Variants in GPBP1L1 observed in about 807,000 individuals in gnomAD.
GPBP1L1 encodes the protein vasculin-like protein 1.
Under a neutral mutation model 52.5 loss-of-function variants are expected in GPBP1L1, and 23 were observed. The ratio of observed to expected loss-of-function variants is 0.44; its 90% CI spans 0.32 to 0.62. The LOEUF (loss-of-function observed/expected upper bound fraction) is 0.62, where lower values mean the gene tolerates loss of function less well. Among genes scored for constraint, GPBP1L1 ranks in the 20% least tolerant of loss-of-function variants. GPBP1L1 has a pLI of 0.06. For missense variants in GPBP1L1, 596 were observed against 579.3 expected (o/e 1.03, Z -0.30); for synonymous variants, 243 against 203.1 (o/e 1.20, Z -1.67).
chr1:45,653,512 T>A (rs1354502934), intron 6 of GPBP1L1, among the ~76,000 whole-genome samples: 3 of 152,020 alleles, frequency 2.0e-5, no homozygotes, highest in African/African-American at 7.2e-5. Flanking sequence ...TGTGCCATCA[T>A]GCCCAGCTAA....
chr1:45,654,840 A>G lies in GPBP1L1; in HGVS notation c.191-11T>C, dbSNP rs1644865003. The G allele has an allele frequency of 6.2e-7, 1 of 1,611,228 alleles. No homozygotes were observed. The highest frequency in any genetic ancestry group is 8.5e-7 in the Non-Finnish European group (1 of 1,178,498). On this transcript the variant is annotated splice_polypyrimidine_tract_variant and intron_variant, in intron 5 of 12. Coordinates refer to ENST00000355105, the MANE Select transcript of GPBP1L1 (RefSeq NM_021639.5). ...GCTGGTGCCAAGAATCTAGAATAGT[A>G]AAGAAAAGGACTAATTAGATTGTTT...
At chr1:45,643,574 C>A (rs1276711034) in intron 6 of GPBP1L1, among the ~76,000 whole-genome samples, 3 of 148,980 alleles carry the variant, frequency 2.0e-5, no homozygotes, top group African/African-American at 7.4e-5. Flanking sequence ...GAGTTAAGAG[C>A]AATAGACTAG....
chr1:45,666,940 G>A (rs993493167), intron 2 of GPBP1L1, among the ~76,000 whole-genome samples: 1 of 151,876 alleles, frequency 6.6e-6, no homozygotes, highest in Non-Finnish European at 1.5e-5. Context: ...ATGAAAGAAG[G>A]CAGACACAAA....
At position 45,659,153 on chromosome 1, in the gene GPBP1L1, A is replaced by T. The variant is rs1644917940; in HGVS notation, c.-55-11T>A. ...CCTCATGGCCAGGATCTGAAAACAA[A>T]ACAATTCAAATCACTTATGTTTACA... is the stretch of plus-strand genomic sequence containing the variant. On this transcript the variant is annotated splice_polypyrimidine_tract_variant and intron_variant, in intron 3 of 12. Transcript: ENST00000355105. 1.4e-6 allele frequency: 2 copies of T among 1,464,290 alleles called. No homozygotes were observed. Among genetic ancestry groups the T allele is most frequent in the Non-Finnish European group, 1.9e-6 (2 of 1,046,580 alleles). The allele number at this position is 1,464,290 out of a possible 1,614,324, so 90.7% of individuals were successfully genotyped here.
chr1:45,657,310 C>T (rs535913819), intron 4 of GPBP1L1, among the ~76,000 whole-genome samples: 16 of 152,022 alleles, frequency 1.1e-4, no homozygotes, highest in Non-Finnish European at 1.8e-4. Flanking sequence ...GAGGCAGGTA[C>T]ATCGCTTGAG....
At position 45,633,482 on chromosome 1, in the gene GPBP1L1, C is replaced by T; in HGVS notation, c.1044+7G>A. ...AGGCTACCCCCAGAAAAGGCGGATGCTCTTACATCTTCCAGCTTGTCACAG... is the reference window on the plus strand; with the variant it reads ...AGGCTACCCCCAGAAAAGGCGGATGTTCTTACATCTTCCAGCTTGTCACAG... On this transcript the variant is annotated splice_region_variant and intron_variant, in intron 10 of 12. Transcript: ENST00000355105. 1 of 1,613,498 alleles carries T rather than the reference C, an allele frequency of 6.2e-7. No individual in the cohort carries two copies. The highest frequency in any genetic ancestry group is 8.5e-7 in the Non-Finnish European group (1 of 1,179,802).
At chr1:45,671,345 G>A (rs1169529841) in intron 2 of GPBP1L1, among the ~76,000 whole-genome samples, 1 of 151,896 alleles carries the variant, frequency 6.6e-6, no homozygotes, top group African/African-American at 2.4e-5. Flanking sequence ...AAGTAGCTGG[G>A]ATTACAGGCA....
chr1:45,630,912 A>G (rs1171050620), intron 10 of GPBP1L1, among the ~76,000 whole-genome samples: 1 of 152,258 alleles, frequency 6.6e-6, no homozygotes, highest in African/African-American at 2.4e-5. Context: ...GTATGGTAAC[A>G]GTGCTCATAA....
At chr1:45,672,343 CAAAA>C (rs57589371) in intron 2 of GPBP1L1, among the ~76,000 whole-genome samples, 6 of 105,484 alleles carry the variant, frequency 5.7e-5, no homozygotes, top group Non-Finnish European at 5.9e-5. Context: ...GCCCAGGCGA[CAAAA>C]AAAAAAAAAA....
chr1:45,655,302 G>A lies in GPBP1L1; in HGVS notation c.78C>T (p.Phe26=), dbSNP rs1019187641. 2.5e-5 allele frequency: 40 copies of A among 1,613,938 alleles called. No individual in the cohort carries two copies. Among genetic ancestry groups the A allele is most frequent in the African/African-American group, 5.3e-5 (4 of 74,912 alleles). Residue 26 remains phenylalanine, a synonymous_variant, in exon 5 of 13, where the codon TTC becomes TTT. Coordinates refer to ENST00000355105, the MANE Select transcript of GPBP1L1 (RefSeq NM_021639.5). ...TGGGTAGGTGCTCTCCGTGTTTTTC[G>A]AAGGTGGCAGTAGGTGACTAAGATG... is the stretch of plus-strand genomic sequence containing the variant. ...PQSAKSPTAT[F]EKHGEHLPRG... is the part of the protein sequence containing the mutation.
Position 45,630,597 on chromosome 1 carries a change from T to C in GPBP1L1, c.1054A>G (p.Asn352Asp). ...DCDKLEDLED[N>D]STPEPKENGE... ...TTTTCCTTTGGTTCAGGTGTGCTGT[T>C]GTCCTCCAACTGCAATAAGGAAAAG... The change falls in exon 11 of 13, where the codon AAC becomes GAC. Residue 352 changes from asparagine to aspartate, a missense_variant. Asn to Asp is a conservative substitution (Grantham distance 23, BLOSUM62 1). Coordinates refer to ENST00000355105, the MANE Select transcript of GPBP1L1 (RefSeq NM_021639.5). 6.2e-7 allele frequency: 1 copy of C among 1,613,858 alleles called. No homozygotes were observed.
At chr1:45,680,400 G>A (rs530847754) in intron 2 of GPBP1L1, among the ~76,000 whole-genome samples, 54 of 151,778 alleles carry the variant, frequency 3.6e-4, no homozygotes, top group African/African-American at 1.2e-3. Context: ...CACCATGCCC[G>A]GCTAATTTTT....
rs952082063 is a variant in GPBP1L1 at position 45,660,194 on chromosome 1, A to AACTT, written c.-67_-66insAAGT. ...ATGGAGAATATTTACCCCAGAGTGT[A>AACTT]ACCTCTGTGGTCCTGTTTCTGAACT... On this transcript the variant is annotated 5_prime_UTR_variant, in exon 3 of 13. Coordinates refer to ENST00000355105, the MANE Select transcript of GPBP1L1 (RefSeq NM_021639.5). The AACTT allele has an allele frequency of 4.6e-5, 45 of 985,214 alleles. No homozygotes were observed. In the African/African-American group the frequency reaches 6.5e-4, roughly 14 times the overall value. The allele number at this position is 985,214 out of a possible 1,614,324, so 61.0% of individuals were successfully genotyped here. A position where few individuals can be genotyped will look rare whatever the true frequency, so the allele number is the denominator to read the frequency against.
chr1:45,643,076 A>C (rs1644694529), intron 6 of GPBP1L1, among the ~76,000 whole-genome samples: 1 of 152,236 alleles, frequency 6.6e-6, no homozygotes, highest in African/African-American at 2.4e-5. Context: ...TTAGGGAAGA[A>C]GGAGTACTCA....
At chr1:45,639,642 C>T (rs868652125) in intron 8 of GPBP1L1, among the ~76,000 whole-genome samples, 5 of 150,988 alleles carry the variant, frequency 3.3e-5, no homozygotes, top group Admixed American at 1.3e-4. Context: ...CTTGGGAGGC[C>T]GAGGCGGGCG....
At chr1:45,646,010 G>T (rs1644740860) in intron 6 of GPBP1L1, 1 of 506,890 alleles carries the variant, frequency 2.0e-6, no homozygotes, top group Admixed American at 2.1e-5. Context: ...TGCCTGTGAG[G>T]TTCACAATTT....
At chr1:45,651,027 T>C in intron 6 of GPBP1L1, 2 of 462,308 alleles carry the variant, frequency 4.3e-6, no homozygotes, top group Admixed American at 2.3e-5. Context: ...ACAGTGTACA[T>C]TTAATCCAAT....
At chr1:45,683,203 C>CTTTTT (rs764606358) in intron 2 of GPBP1L1, among the ~76,000 whole-genome samples, 8 of 83,780 alleles carry the variant, frequency 9.5e-5, no homozygotes, top group African/African-American at 1.6e-4. Flanking sequence ...GAATATAGGC[C>CTTTTT]TTTTTTTTTT....
chr1:45,632,576 C>T (rs1359975458), intron 10 of GPBP1L1, among the ~76,000 whole-genome samples: 1 of 151,290 alleles, frequency 6.6e-6, no homozygotes, highest in Non-Finnish European at 1.5e-5. Context: ...ATTAGCTGGG[C>T]GTGGTGGCGG....
Sources: gnomAD v4.1 joint callset for allele counts (sites outside exome capture counted in the v4.1 genomes callset) on GRCh38, gnomAD v4.1.1 for gene constraint, MANE v1.5 for transcripts, NCBI Gene and HGNC (gene_info 2026-07-23, HGNC 2026-07-21) for gene names.